Variants in TRERF1 observed in about 807,000 individuals in gnomAD.
TRERF1 encodes transcriptional regulating factor 1, also known as transcriptional-regulating factor 1.
In TRERF1, 27 loss-of-function variants were observed where a neutral mutation model predicts 122.9. The ratio of observed to expected loss-of-function variants is 0.22; its 90% CI spans 0.16 to 0.30. TRERF1 has a LOEUF of 0.30. TRERF1 is among the 10% of genes least tolerant of loss of function. TRERF1 has a pLI of 1.00. For missense variants in TRERF1, 1,248 were observed against 1,560.3 expected (o/e 0.80, Z 3.37); for synonymous variants, 636 against 641.7 (o/e 0.99, Z 0.13).
chr6:42,275,359 G>C lies in TRERF1; in HGVS notation c.-258-5511C>G, dbSNP rs1423140472. ...ATTTCTTCGGTCAATTTCTTCCTTA[G>C]AGCAGGACTCCAGGATTCCAGGGTG... On this transcript the variant is annotated intron_variant, in intron 4 of 17. Coordinates refer to ENST00000372922, the Ensembl canonical transcript of TRERF1. This position sits in a 1 kb window ranked among gnomAD's most constrained non-coding sequence, Gnocchi z 4.1. Among the ~76,000 whole-genome samples the C allele has an allele frequency of 6.6e-6, 1 of 152,174 alleles. No homozygotes were observed. Among genetic ancestry groups the C allele is most frequent in the African/African-American group, 2.4e-5 (1 of 41,432 alleles).
At chr6:42,436,810 AAAAAATAT>A (rs1213307961) in intron 2 of TRERF1, among the ~76,000 whole-genome samples, 17 of 102,262 alleles carry the variant, frequency 1.7e-4, no homozygotes, top group African/African-American at 2.8e-4. Context: ...CAAAAAAAAA[AAAAAATAT>A]ATATATATAT....
chr6:42,237,135 A>G (rs1772430229), intron 15 of TRERF1, among the ~76,000 whole-genome samples: 1 of 152,244 alleles, frequency 6.6e-6, no homozygotes, highest in Non-Finnish European at 1.5e-5. Flanking sequence ...AGAACAAGAA[A>G]AACTTTTCCT....
rs764890509 is a variant in TRERF1 at position 42,228,446 on chromosome 6, G to GGAC, written c.3499_3501dup (p.Val1167dup). The GGAC allele has an allele frequency of 5.0e-6, 8 of 1,614,044 alleles. No individual in the cohort carries two copies. The highest frequency in any genetic ancestry group is 1.3e-5 in the African/African-American group (1 of 74,922). On this transcript the variant is annotated inframe_insertion, in exon 18 of 18. Transcript: ENST00000372922. The surrounding 1 kb of genome is among the most constrained non-coding windows in gnomAD (Gnocchi z 4.2). ...TCTTCCATGACACCTCCCAACTGCT[G>GGAC]GACGACGTCGTCGTCGAGGATGTCC...
chr6:42,363,562 A>G (rs1772177955), intron 2 of TRERF1, among the ~76,000 whole-genome samples: 2 of 152,122 alleles, frequency 1.3e-5, no homozygotes, highest in Non-Finnish European at 2.9e-5. Context: ...TCTCCCCAAG[A>G]TTCCTATGTT....
chr6:42,339,525 C>G (rs974860285), intron 3 of TRERF1, among the ~76,000 whole-genome samples: 5 of 152,134 alleles, frequency 3.3e-5, no homozygotes, highest in Admixed American at 2.6e-4. Flanking sequence ...CGAATTGTAC[C>G]CAAAGCTGCA....
intron 2 of TRERF1, among the ~76,000 whole-genome samples, chr6:42,397,491 C>A (rs1488802228): frequency 6.6e-6 from 1 of 152,186 alleles, no homozygotes. Flanking sequence ...ACCTGCCTGA[C>A]AAAATCCCCT....
Position 42,402,836 on chromosome 6 carries a change from T to C in TRERF1, c.-453-39757A>G, listed in dbSNP as rs148653027. 2.1e-3 allele frequency among the ~76,000 whole-genome samples: 319 copies of C among 152,220 alleles called. 2 individuals carry two copies. Among genetic ancestry groups the C allele is most frequent in the African/African-American group, 6.9e-3 (286 of 41,524 alleles). ...GCTTTACATACCTTTTCTCATTTAATAGATCCATCTTACAGATGAGAAAAC... is the reference window on the plus strand; with the variant it reads ...GCTTTACATACCTTTTCTCATTTAACAGATCCATCTTACAGATGAGAAAAC... On this transcript the variant is annotated intron_variant, in intron 2 of 17. Transcript: ENST00000372922.
At chr6:42,432,079 A>G (rs1470860266) in intron 2 of TRERF1, among the ~76,000 whole-genome samples, 1 of 152,214 alleles carries the variant, frequency 6.6e-6, no homozygotes, top group Non-Finnish European at 1.5e-5. Context: ...ACCATGGGCA[A>G]GTGACCTATT....
At position 42,361,510 on chromosome 6, in the gene TRERF1, C is replaced by T. The variant is rs530118511; in HGVS notation, c.-371+1487G>A. Among the ~76,000 whole-genome samples the T allele has an allele frequency of 3.2e-3, 483 of 152,214 alleles. 1 individual carries two copies. Among genetic ancestry groups the T allele is most frequent in the Non-Finnish European group, 5.6e-3 (379 of 68,002 alleles). On this transcript the variant is annotated intron_variant, in intron 3 of 17. Coordinates refer to ENST00000372922, the Ensembl canonical transcript of TRERF1. Reference sequence around the variant, plus strand: ...AAATGTAAGGGGCTTTCGAGAAACACTTTCATGAATTAATGAGTGGCCTTG... The same window carrying T: ...AAATGTAAGGGGCTTTCGAGAAACATTTTCATGAATTAATGAGTGGCCTTG...
At chr6:42,273,028 C>T (rs1177224126) in intron 4 of TRERF1, among the ~76,000 whole-genome samples, 1 of 152,108 alleles carries the variant, frequency 6.6e-6, no homozygotes, top group Non-Finnish European at 1.5e-5. Context: ...ACATGATGCC[C>T]CCTCACCATT....
chr6:42,258,092 A>G (rs781141720), intron 10 of TRERF1, 43 bp downstream of exon 10: 1 of 1,535,388 alleles, frequency 6.5e-7, no homozygotes, highest in Non-Finnish European at 9.0e-7. Flanking sequence ...ACTTCTCAAG[A>G]AGCTGAGGCT....
chr6:42,237,561 C>G (rs553442747), intron 15 of TRERF1, among the ~76,000 whole-genome samples: 1 of 152,362 alleles, frequency 6.6e-6, no homozygotes, highest in African/African-American at 2.4e-5. Flanking sequence ...CTGCCCCTGA[C>G]CTGGCAGGTC....
At chr6:42,298,305 G>A (rs1017957422) in intron 4 of TRERF1, among the ~76,000 whole-genome samples, 12 of 151,652 alleles carry the variant, frequency 7.9e-5, no homozygotes, top group East Asian at 2.0e-4. Flanking sequence ...ATAGGTGCGC[G>A]CCACCACACC....
intron 4 of TRERF1, among the ~76,000 whole-genome samples, chr6:42,292,958 G>A (rs974148031): frequency 1.3e-5 from 2 of 152,176 alleles, no homozygotes; most frequent in Admixed American, 6.5e-5. Context: ...AACTCTGTCC[G>A]TATATACCAT....
intron 16 of TRERF1, among the ~76,000 whole-genome samples, chr6:42,233,573 C>CTG (rs1771300958): frequency 6.6e-6 from 1 of 152,312 alleles, no homozygotes; most frequent in South Asian, 2.1e-4. Context: ...GCGTGAGCCA[C>CTG]CACGCCTGGC....
At chr6:42,319,936 T>C (rs1763121013) in intron 3 of TRERF1, among the ~76,000 whole-genome samples, 1 of 151,852 alleles carries the variant, frequency 6.6e-6, no homozygotes. Context: ...GAGTCTCACT[T>C]TGTCTCCCAG....
At chr6:42,388,224 CT>C (rs112638565) in intron 2 of TRERF1, among the ~76,000 whole-genome samples, 14,134 of 136,316 alleles carry the variant, frequency 0.1, 936 homozygotes, top group African/African-American at 0.21. Context: ...TGATTTCTTT[CT>C]TTTTTTTTTT....
chr6:42,249,530 G>A (rs145553842), intron 13 of TRERF1, among the ~76,000 whole-genome samples: 211 of 152,322 alleles, frequency 1.4e-3, no homozygotes, highest in African/African-American at 4.8e-3. Flanking sequence ...CGTGGGGGAA[G>A]GAGACCTTCT....
At chr6:42,349,480 G>A (rs969107728) in intron 3 of TRERF1, among the ~76,000 whole-genome samples, 40 of 152,024 alleles carry the variant, frequency 2.6e-4, no homozygotes, top group African/African-American at 8.7e-4. Flanking sequence ...TTAAAGTAAT[G>A]CTATAAACCC....
Sources: gnomAD v4.1 joint callset for allele counts (sites outside exome capture counted in the v4.1 genomes callset) on GRCh38, gnomAD v4.1.1 for gene constraint, Gnocchi (gnomAD v3.1) non-coding constraint, MANE v1.5 for transcripts, NCBI Gene and HGNC (gene_info 2026-07-23, HGNC 2026-07-21) for gene names.